The following CCDC171 variants were observed in gnomAD, a reference collection of about 807,000 sequenced individuals.
CCDC171 encodes the protein coiled-coil domain-containing protein 171.
In CCDC171, 177 loss-of-function variants were observed where a neutral mutation model predicts 168.2. The ratio of observed to expected loss-of-function variants is 1.05; its 90% CI spans 0.93 to 1.19. The LOEUF (loss-of-function observed/expected upper bound fraction) is 1.19, where lower values mean the gene tolerates loss of function less well. CCDC171 is among the 50% of genes most tolerant of loss of function. The pLI is 0.00. For missense variants in CCDC171, 1,991 were observed against 1,539.0 expected (o/e 1.29, Z -4.91); for synonymous variants, 687 against 540.8 (o/e 1.27, Z -3.75).
intron 21 of CCDC171, among the ~76,000 whole-genome samples, chr9:15,795,423 T>C (rs930801318): frequency 2.0e-5 from 3 of 152,142 alleles, no homozygotes; most frequent in South Asian, 2.1e-4. Context: ...ATTCAAACCA[T>C]AGCAAGTGGA....
intron 24 of CCDC171, among the ~76,000 whole-genome samples, chr9:15,914,309 C>G (rs991466774): frequency 2.0e-5 from 3 of 152,178 alleles, no homozygotes; most frequent in African/African-American, 4.8e-5. Context: ...AAGCCCCTCA[C>G]TGGGGCTGCT....
At chr9:15,677,883 T>TATATATATAC (rs2049721088) in intron 9 of CCDC171, among the ~76,000 whole-genome samples, 1 of 9,370 alleles carries the variant, frequency 1.1e-4, no homozygotes, top group African/African-American at 3.6e-4. Context: ...GTGTGTCATA[T>TATATATATAC]ATATATATAT....
the CCDC171 span, among the ~76,000 whole-genome samples, chr9:16,081,884 C>T: frequency 6.6e-6 from 1 of 151,736 alleles, no homozygotes; most frequent in Non-Finnish European, 1.5e-5. Context: ...CAGAGATGCT[C>T]ACTGCATCCT....
intron 24 of CCDC171, among the ~76,000 whole-genome samples, chr9:15,906,065 T>A (rs1265914328): frequency 3.9e-5 from 6 of 152,142 alleles, no homozygotes; most frequent in African/African-American, 9.7e-5. Flanking sequence ...CAGGACCAGA[T>A]GGATTCACAG....
intron 25 of CCDC171, among the ~76,000 whole-genome samples, chr9:15,949,935 T>G (rs1363696538): frequency 1.3e-5 from 2 of 152,178 alleles, no homozygotes; most frequent in Admixed American, 1.3e-4. Flanking sequence ...TGATATTGGC[T>G]GTGGGTTTGT....
intron 21 of CCDC171, among the ~76,000 whole-genome samples, chr9:15,793,029 A>T (rs1424048635): frequency 6.6e-6 from 1 of 152,228 alleles, no homozygotes; most frequent in Non-Finnish European, 1.5e-5. Context: ...TCAGACTGGC[A>T]AACAGGATAA....
At chr9:15,939,751 A>T (rs1827513956) in intron 25 of CCDC171, among the ~76,000 whole-genome samples, 1 of 151,904 alleles carries the variant, frequency 6.6e-6, no homozygotes, top group South Asian at 2.1e-4. Context: ...TAATAAATGC[A>T]TTCTGCTGCT....
chr9:15,905,213 A>G (rs1057154700), intron 24 of CCDC171, among the ~76,000 whole-genome samples: 1 of 152,216 alleles, frequency 6.6e-6, no homozygotes, highest in Non-Finnish European at 1.5e-5. Context: ...AATCAACAGA[A>G]TATACATTCT....
At chr9:16,094,407 G>A in the CCDC171 span, among the ~76,000 whole-genome samples, 13 of 152,170 alleles carry the variant, frequency 8.5e-5, no homozygotes, top group Admixed American at 4.6e-4. Flanking sequence ...TGCTCGTTGT[G>A]TATCAAAGGA....
At chr9:16,040,739 T>A (rs550385096), upstream of CCDC171, among the ~76,000 whole-genome samples, 1 of 152,348 alleles carries the variant, frequency 6.6e-6, no homozygotes, top group Non-Finnish European at 1.5e-5. Context: ...GTATTTTACG[T>A]GGTTGAAATA....
chr9:15,732,438 G>A (rs1288218052), intron 16 of CCDC171, among the ~76,000 whole-genome samples: 1 of 152,042 alleles, frequency 6.6e-6, no homozygotes, highest in East Asian at 1.9e-4. Context: ...TAGCTGAATA[G>A]CCTTGGTACC....
chr9:16,035,136 T>C (rs1479792975), intron 6 of CCDC171, among the ~76,000 whole-genome samples: 2 of 152,154 alleles, frequency 1.3e-5, no homozygotes, highest in Admixed American at 1.3e-4. Flanking sequence ...AGCTCCCAGG[T>C]TTTGACTGCA....
At chr9:15,816,428 T>C (rs1479647317) in intron 21 of CCDC171, among the ~76,000 whole-genome samples, 1 of 119,174 alleles carries the variant, frequency 8.4e-6, no homozygotes, top group East Asian at 2.1e-4. Context: ...CAAATAAAAC[T>C]GGAAATATGC....
At chr9:16,095,875 T>TATATATATAG in the CCDC171 span, among the ~76,000 whole-genome samples, 1 of 131,852 alleles carries the variant, frequency 7.6e-6, no homozygotes, top group Non-Finnish European at 1.5e-5. Context: ...GGCACATATA[T>TATATATATAG]ATATATATAT....
intron 25 of CCDC171, among the ~76,000 whole-genome samples, chr9:15,945,592 T>G (rs1828258573): frequency 1.6e-5 from 2 of 128,518 alleles, no homozygotes; most frequent in Admixed American, 1.8e-4. Flanking sequence ...TGAGATGATA[T>G]CTCACTGTGG....
chr9:15,591,464 G>A lies in CCDC171; in HGVS notation c.451G>A (p.Asp151Asn), dbSNP rs757205992. 1.2e-6 allele frequency: 2 copies of A among 1,608,664 alleles called. No homozygotes were observed. The highest frequency in any genetic ancestry group is 1.7e-6 in the Non-Finnish European group (2 of 1,176,976). Residue 151 changes from aspartate to asparagine, a missense_variant, in exon 5 of 26, where the codon GAT becomes AAT. By Grantham distance (23) the Asp-to-Asn change is conservative (BLOSUM62 1). Coordinates refer to ENST00000380701, the MANE Select transcript of CCDC171 (RefSeq NM_173550.4). Reference sequence around the variant, plus strand: ...AGAAGAATGCAGAAGATTTGAACATGATTTGGAGGAAAGAGACAATATGAT... The same window carrying A: ...AGAAGAATGCAGAAGATTTGAACATAATTTGGAGGAAAGAGACAATATGAT... ...WKEECRRFEHDLEERDNMIQN... is the reference protein window; with the variant it reads ...WKEECRRFEHNLEERDNMIQN...
At chr9:15,611,871 T>C (rs768015540) in intron 6 of CCDC171, among the ~76,000 whole-genome samples, 17 of 152,182 alleles carry the variant, frequency 1.1e-4, no homozygotes, top group Non-Finnish European at 2.2e-4. Flanking sequence ...GTGTCCCTCC[T>C]AAATTTGTAT....
At chr9:15,568,616 G>A (rs1333093139) in intron 2 of CCDC171, among the ~76,000 whole-genome samples, 1 of 152,092 alleles carries the variant, frequency 6.6e-6, no homozygotes, top group African/African-American at 2.4e-5. Context: ...GGTGTGAGAT[G>A]GTATCTCATT....
At chr9:15,941,240 T>A (rs959861443) in intron 25 of CCDC171, among the ~76,000 whole-genome samples, 2 of 151,988 alleles carry the variant, frequency 1.3e-5, no homozygotes, top group African/African-American at 4.8e-5. Context: ...GTTTTTCACC[T>A]TTGAAATTGA....
Sources: gnomAD v4.1 joint callset for allele counts (sites outside exome capture counted in the v4.1 genomes callset) on GRCh38, gnomAD v4.1.1 for gene constraint, MANE v1.5 for transcripts, NCBI Gene and HGNC (gene_info 2026-07-23, HGNC 2026-07-21) for gene names.